The following RASGRF2 variants were observed in gnomAD, a reference collection of about 807,000 sequenced individuals.
RASGRF2 encodes the protein Ras protein specific guanine nucleotide releasing factor 2.
A neutral mutation model predicts 151.0 loss-of-function variants in RASGRF2; 76 were observed. The ratio of observed to expected loss-of-function variants is 0.50; its 90% CI spans 0.42 to 0.61. The LOEUF (loss-of-function observed/expected upper bound fraction) is 0.61. Ranked by LOEUF, RASGRF2 falls within the 20% of genes least tolerant of loss-of-function variation. The probability of loss-of-function intolerance (pLI) is 0.00; values close to 1 mark genes in which losing one functional copy is unlikely to be tolerated. For missense variants in RASGRF2, 1,148 were observed against 1,564.6 expected (o/e 0.73, Z 4.49); for synonymous variants, 504 against 566.5 (o/e 0.89, Z 1.57).
intron 2 of RASGRF2, among the ~76,000 whole-genome samples, chr5:81,060,027 A>G (rs991713809): frequency 2.6e-5 from 4 of 152,200 alleles, no homozygotes; most frequent in African/African-American, 9.7e-5. Context: ...AGTGGGTCAT[A>G]CAGCAAGAGC....
chr5:81,183,983 T>C (rs1754972763), intron 18 of RASGRF2, among the ~76,000 whole-genome samples: 1 of 152,240 alleles, frequency 6.6e-6, no homozygotes, highest in Non-Finnish European at 1.5e-5. Context: ...GCTCCTTGCT[T>C]GTCTCATTCA....
intron 1 of RASGRF2, among the ~76,000 whole-genome samples, chr5:81,033,745 T>C (rs914923665): frequency 8.0e-4 from 122 of 152,138 alleles, no homozygotes; most frequent in African/African-American, 2.6e-3. Flanking sequence ...TGGGCAAGGA[T>C]TTCATGTCTA....
intron 19 of RASGRF2, 141 bp from the exon 20 acceptor site, chr5:81,206,704 T>C (rs1238173511): frequency 5.9e-6 from 4 of 678,858 alleles, no homozygotes; most frequent in Admixed American, 2.3e-5. Flanking sequence ...CATCTCCAGC[T>C]CAGCAGTTGG....
At chr5:81,168,512 T>C (rs950041059) in intron 17 of RASGRF2, among the ~76,000 whole-genome samples, 1 of 151,976 alleles carries the variant, frequency 6.6e-6, no homozygotes, top group Non-Finnish European at 1.5e-5. Context: ...GGTTTCACCA[T>C]ATTGGTCAGG....
chr5:80,977,644 A>G (rs1748167502), intron 1 of RASGRF2, among the ~76,000 whole-genome samples: 1 of 152,090 alleles, frequency 6.6e-6, no homozygotes, highest in Admixed American at 6.6e-5. Context: ...TTTAGTAGAG[A>G]TGGGGTTTCG....
intron 2 of RASGRF2, among the ~76,000 whole-genome samples, chr5:81,054,842 A>T (rs892209054): frequency 6.7e-6 from 1 of 149,710 alleles, no homozygotes; most frequent in East Asian, 2.0e-4. Flanking sequence ...GGTCCTTCAC[A>T]TCCCTTGTAA....
chr5:80,982,580 C>CTATTATCATTATTATTATTAT, intron 1 of RASGRF2, among the ~76,000 whole-genome samples: 2 of 135,170 alleles, frequency 1.5e-5, no homozygotes, highest in East Asian at 4.5e-4. Flanking sequence ...AAATTTGGTT[C>CTATTATCATTATTATTATTAT]TATTATTATT....
rs1377372380 is a variant in RASGRF2 at position 81,226,623 on chromosome 5, T to G, written c.*853T>G. 6.6e-6 allele frequency: 1 copy of G among 152,260 alleles called. No homozygotes were observed. Among genetic ancestry groups the G allele is most frequent in the African/African-American group, 2.4e-5 (1 of 41,462 alleles). The allele number at this position is 152,260 out of a possible 1,614,324, so 9.4% of individuals were successfully genotyped here. A position where few individuals can be genotyped will look rare whatever the true frequency, so the allele number is the denominator to read the frequency against. ...CAAGTGCTGTGGGGAATCATGGGTT[T>G]CAGTGCTGAGTGAAAATCTATACCT... On this transcript the variant is annotated 3_prime_UTR_variant, in exon 27 of 27. Transcript: ENST00000265080.
chr5:81,001,658 A>G (rs1032470139), intron 1 of RASGRF2, among the ~76,000 whole-genome samples: 1 of 152,206 alleles, frequency 6.6e-6, no homozygotes, highest in African/African-American at 2.4e-5. Flanking sequence ...ACAGTCATCT[A>G]CACATACTGT....
At chr5:81,101,012 C>A (rs1430748998) in intron 12 of RASGRF2, among the ~76,000 whole-genome samples, 1 of 152,184 alleles carries the variant, frequency 6.6e-6, no homozygotes, top group Non-Finnish European at 1.5e-5. Context: ...CAAAGACCAG[C>A]TGCTTCAAAA....
At position 81,073,271 on chromosome 5, in the gene RASGRF2, C is replaced by G. The variant is rs1483257584; in HGVS notation, c.706C>G (p.Pro236Ala). Residue 236 changes from proline to alanine, a missense_variant, in exon 5 of 27, where the codon CCT becomes GCT. Physicochemically the swap from Pro to Ala is conservative, Grantham distance 27. Transcript: ENST00000265080. ...CATCGTGCAGGATTACATTTGTTCT[C>G]CTCATGCTGAAAGTATGAGGAAGAG... The part of the protein sequence containing the change: ...KTIVQDYICS[P>A]HAESMRKRNQ... The G allele has an allele frequency of 6.2e-7, 1 of 1,613,886 alleles. No homozygotes were observed. Among genetic ancestry groups the G allele is most frequent in the Non-Finnish European group, 8.5e-7 (1 of 1,179,818 alleles).
At chr5:81,185,505 C>A (rs1247135135) in intron 18 of RASGRF2, among the ~76,000 whole-genome samples, 1 of 152,106 alleles carries the variant, frequency 6.6e-6, no homozygotes, top group Non-Finnish European at 1.5e-5. Context: ...GAAAATGACT[C>A]ACAGGAGGAC....
At chr5:81,115,818 G>A (rs78453475) in intron 15 of RASGRF2, among the ~76,000 whole-genome samples, 4,438 of 152,180 alleles carry the variant, frequency 0.029, 203 homozygotes, top group African/African-American at 0.092. Context: ...CACCTTCACT[G>A]TCATACTCTA....
intron 1 of RASGRF2, among the ~76,000 whole-genome samples, chr5:80,982,755 C>T (rs1748349259): frequency 6.6e-6 from 1 of 151,884 alleles, no homozygotes; most frequent in South Asian, 2.1e-4. Flanking sequence ...TGCCTGCCAC[C>T]ACCCCCGGCT....
At chr5:81,167,361 G>A (rs1754537119) in intron 17 of RASGRF2, among the ~76,000 whole-genome samples, 1 of 152,194 alleles carries the variant, frequency 6.6e-6, no homozygotes, top group African/African-American at 2.4e-5. Context: ...CTCGGATGAG[G>A]GGGCAGGGCA....
At chr5:81,131,893 G>A (rs1388393238) in intron 17 of RASGRF2, among the ~76,000 whole-genome samples, 1 of 152,136 alleles carries the variant, frequency 6.6e-6, no homozygotes, top group African/African-American at 2.4e-5. Context: ...AGACCCATAG[G>A]TGATACCCAG....
At chr5:80,995,690 C>CA (rs1554083700) in intron 1 of RASGRF2, among the ~76,000 whole-genome samples, 2 of 130,100 alleles carry the variant, frequency 1.5e-5, no homozygotes, top group African/African-American at 5.9e-5. Context: ...TCCTTCCCCC[C>CA]CCCTTTTTTT....
intron 12 of RASGRF2, among the ~76,000 whole-genome samples, chr5:81,106,772 A>G (rs980880225): frequency 5.3e-5 from 8 of 152,180 alleles, no homozygotes; most frequent in South Asian, 2.1e-4. Context: ...CTGACTCTAC[A>G]TAACTGGACA....
intron 17 of RASGRF2, among the ~76,000 whole-genome samples, chr5:81,134,079 C>CGCGTGTGTGT (rs1554036799): frequency 7.0e-6 from 1 of 143,702 alleles, no homozygotes; most frequent in Non-Finnish European, 1.5e-5. Flanking sequence ...TGCTTGTGTG[C>CGCGTGTGTGT]GTGTGTGTGT....
Sources: gnomAD v4.1 joint callset for allele counts (sites outside exome capture counted in the v4.1 genomes callset) on GRCh38, gnomAD v4.1.1 for gene constraint, MANE v1.5 for transcripts, NCBI Gene and HGNC (gene_info 2026-07-23, HGNC 2026-07-21) for gene names.